GRAP2: variants seen among roughly 807,000 people sequenced by gnomAD.
GRAP2 encodes the protein GRB2 related adaptor protein 2.
Under a neutral mutation model 43.5 loss-of-function variants are expected in GRAP2, and 31 were observed. The observed-to-expected ratio is 0.71, with a 90% CI of 0.54 to 0.96. GRAP2 has a LOEUF of 0.96. Among genes scored for constraint, GRAP2 ranks in the 40% least tolerant of loss-of-function variants. GRAP2 has a pLI of 0.00. For synonymous variants in GRAP2, 156 were observed against 164.8 expected, an observed-to-expected ratio of 0.95 and a Z score of 0.41; for missense variants, 371 against 424.4, an observed-to-expected ratio of 0.87 and a Z score of 1.11.
intron 1 of GRAP2, among the ~76,000 whole-genome samples, chr22:39,945,214 G>A (rs1021241982): frequency 2.6e-5 from 4 of 152,214 alleles, no homozygotes; most frequent in Non-Finnish European, 4.4e-5. Flanking sequence ...TATTTGTGAT[G>A]GTGTTGTTTG....
intron 2 of GRAP2, chr22:39,948,523 AAG>A (rs2145639049): frequency 7.1e-6 from 1 of 141,178 alleles, no homozygotes; most frequent in East Asian, 3.3e-4. Flanking sequence ...GGAAAAAGGA[AAG>A]AAAAAAAAAA....
chr22:39,949,139 C>T (rs1321309692), intron 2 of GRAP2, among the ~76,000 whole-genome samples: 1 of 152,158 alleles, frequency 6.6e-6, no homozygotes, highest in East Asian at 1.9e-4. Context: ...CCGAGAATCA[C>T]TCAAACCCCC....
At chr22:39,943,907 A>C (rs1195096879) in intron 1 of GRAP2, among the ~76,000 whole-genome samples, 2 of 151,878 alleles carry the variant, frequency 1.3e-5, no homozygotes, top group Non-Finnish European at 2.9e-5. Context: ...TTTAGTAGAG[A>C]TGGGGTTTTC....
In GRAP2 at chr22:39,926,133, C is replaced by T. The variant is rs916558339; in HGVS notation, c.-14-20960C>T. 4.6e-5 allele frequency among the ~76,000 whole-genome samples: 7 copies of T among 152,326 alleles called. No individual in the cohort carries two copies. The East Asian group carries it at 7.7e-4, about 17-fold the overall frequency. On this transcript the variant is annotated intron_variant, in intron 1 of 7. Transcript: ENST00000344138. The stretch of plus-strand genomic sequence containing the variant: ...ATCATTGAATACTCAGCATCTAGCA[C>T]GGTGCCTGGTACACACTAGGTATTG...
intron 2 of GRAP2, chr22:39,948,344 G>A (rs762126099): frequency 2.0e-5 from 3 of 152,038 alleles, no homozygotes; most frequent in Admixed American, 1.3e-4. Flanking sequence ...GGGGTCTTAC[G>A]AAGCTCCTGG....
At chr22:39,920,702 A>T (rs1337470830) in intron 1 of GRAP2, among the ~76,000 whole-genome samples, 2 of 151,936 alleles carry the variant, frequency 1.3e-5, no homozygotes, top group Non-Finnish European at 2.9e-5. Flanking sequence ...GAAGATGCTG[A>T]CTCTCCAACC....
intron 1 of GRAP2, among the ~76,000 whole-genome samples, chr22:39,940,054 C>T (rs1252177859): frequency 6.6e-6 from 1 of 152,176 alleles, no homozygotes; most frequent in Non-Finnish European, 1.5e-5. Context: ...CCCACGCCAC[C>T]CTCTGCACCT....
At chr22:39,939,561 CAAA>C (rs386395434) in intron 1 of GRAP2, among the ~76,000 whole-genome samples, 5 of 64,162 alleles carry the variant, frequency 7.8e-5, no homozygotes, top group African/African-American at 2.6e-4. Context: ...GACTCCGTCT[CAAA>C]AAAAAAAAAA....
intron 1 of GRAP2, among the ~76,000 whole-genome samples, chr22:39,930,163 A>G (rs2066742742): frequency 6.6e-6 from 1 of 152,254 alleles, no homozygotes; most frequent in African/African-American, 2.4e-5. Flanking sequence ...CCACCAAAAT[A>G]TTTAAAATGG....
chr22:39,955,901 A>T lies in GRAP2; in HGVS notation c.161A>T (p.Gln54Leu), dbSNP rs776445271. The change falls in exon 3 of 8, where the codon CAG becomes CTG. Residue 54 changes from glutamine (Q) to leucine (L), a missense_variant. Physicochemically the swap from Gln to Leu is moderately radical, Grantham distance 113. Coordinates refer to ENST00000344138, the MANE Select transcript of GRAP2 (RefSeq NM_004810.4). The part of the protein sequence containing the change: ...GYVPKNFIDI[Q>L]FPKWFHEGLS... ...GTGCCCAAGAATTTCATAGACATCC[A>T]GTTTCCCAAGTAAGTATCTGCAGCC... 1.6e-5 allele frequency: 24 copies of T among 1,501,988 alleles called. 1 individual carries two copies. The South Asian group carries it at 2.7e-4, about 17-fold the overall frequency. The allele number at this position is 1,501,988 out of a possible 1,614,324, so 93.0% of individuals were successfully genotyped here. A position where few individuals can be genotyped will look rare whatever the true frequency, so the allele number is the denominator to read the frequency against.
In GRAP2 at chr22:39,955,847, A is replaced by G. The variant is rs1266490232; in HGVS notation, c.107A>G (p.Lys36Arg). ...KILSNQEEWF[K>R]AELGSQEGYV... The stretch of plus-strand genomic sequence containing the variant: ...TTAAGTAACCAAGAGGAGTGGTTTA[A>G]GGCGGAGCTTGGGAGCCAGGAAGGA... Residue 36 changes from lysine to arginine, a missense_variant, in exon 3 of 8, where the codon AAG (lysine) becomes AGG (arginine). Physicochemically the swap from Lys to Arg is conservative, Grantham distance 26. Transcript: ENST00000344138. The G allele has an allele frequency of 2.5e-6, 4 of 1,586,200 alleles. No individual in the cohort carries two copies. The highest frequency in any genetic ancestry group is 3.5e-6 in the Non-Finnish European group (4 of 1,154,558).
intron 3 of GRAP2, among the ~76,000 whole-genome samples, chr22:39,957,797 G>A (rs905778520): frequency 1.3e-5 from 2 of 152,070 alleles, no homozygotes; most frequent in African/African-American, 4.8e-5. Flanking sequence ...TTAGCTGGTC[G>A]TGGTGGCATG....
chr22:39,929,721 A>G (rs746497691), intron 1 of GRAP2, among the ~76,000 whole-genome samples: 2 of 152,208 alleles, frequency 1.3e-5, no homozygotes, highest in African/African-American at 2.4e-5. Flanking sequence ...ACAATCATCT[A>G]TATTGGAATA....
upstream of GRAP2, among the ~76,000 whole-genome samples, chr22:39,898,148 A>G (rs2066473060): frequency 1.3e-5 from 2 of 152,202 alleles, no homozygotes; most frequent in Non-Finnish European, 2.9e-5. Context: ...CCAGATGTCC[A>G]TCCAGGAAGT....
Position 39,941,750 on chromosome 22 carries a change from G to A in GRAP2, c.-14-5343G>A, listed in dbSNP as rs539587932. ...AAACACGGCGAGTCATTGTGACAGAGACTAGATGGCCAACAAAGCCAAAAT... is the reference window on the plus strand; with the variant it reads ...AAACACGGCGAGTCATTGTGACAGAAACTAGATGGCCAACAAAGCCAAAAT... On this transcript the variant is annotated intron_variant, in intron 1 of 7. Transcript: ENST00000344138. Among the ~76,000 whole-genome samples the A allele has an allele frequency of 5.9e-5, 9 of 152,252 alleles. No individual in the cohort carries two copies. The South Asian group carries it at 1.9e-3, about 32-fold the overall frequency.
At chr22:39,921,122 C>A (rs739091) in intron 1 of GRAP2, among the ~76,000 whole-genome samples, 50,400 of 152,010 alleles carry the variant, frequency 0.33, 10,208 homozygotes, top group Non-Finnish European at 0.44. Flanking sequence ...TAGCTTCAGG[C>A]CTCCATCCCC....
chr22:39,898,066 T>A (rs958912438), upstream of GRAP2, among the ~76,000 whole-genome samples: 35 of 152,196 alleles, frequency 2.3e-4, no homozygotes, highest in African/African-American at 8.2e-4. Context: ...TCCACCTCAC[T>A]CACAGTGTTA....
At chr22:39,937,337 C>A (rs913986769) in intron 1 of GRAP2, among the ~76,000 whole-genome samples, 1 of 152,096 alleles carries the variant, frequency 6.6e-6, no homozygotes, top group East Asian at 1.9e-4. Context: ...TTCTGTTTCT[C>A]CATCCACCAT....
chr22:39,918,048 T>A (rs80403), intron 1 of GRAP2, among the ~76,000 whole-genome samples: 99,932 of 152,038 alleles, frequency 0.66, 34,495 homozygotes, highest in African/African-American at 0.89. Context: ...TATCTGATTT[T>A]TCCTTGCAAC....
Sources: gnomAD v4.1 joint callset for allele counts (sites outside exome capture counted in the v4.1 genomes callset) on GRCh38, gnomAD v4.1.1 for gene constraint, MANE v1.5 for transcripts, NCBI Gene and HGNC (gene_info 2026-07-23, HGNC 2026-07-21) for gene names.